KCNN1: variants seen among roughly 807,000 people sequenced by gnomAD.
KCNN1 encodes the protein small conductance calcium-activated potassium channel protein 1.
KCNN1 carries 20 observed loss-of-function variants against 44.7 expected under a neutral mutation model. The ratio of observed to expected loss-of-function variants is 0.45; its 90% confidence interval spans 0.32 to 0.65. The LOEUF is 0.65. Among genes scored for constraint, KCNN1 ranks in the 30% least tolerant of loss-of-function variants. The probability of loss-of-function intolerance (pLI) is 0.05; values close to 1 mark genes in which losing one functional copy is unlikely to be tolerated. For synonymous variants in KCNN1, 324 were observed against 341.7 expected, an observed-to-expected ratio of 0.95 and a Z score of 0.57; for missense variants, 632 against 785.3, an observed-to-expected ratio of 0.80 and a Z score of 2.33.
chr19:17,968,618 G>T (rs1418830531), intron 1 of KCNN1, among the ~76,000 whole-genome samples: 3 of 152,066 alleles, frequency 2.0e-5, no homozygotes, highest in Non-Finnish European at 2.9e-5. Context: ...CTGTTGGGTG[G>T]GGAATCTAAG....
intron 1 of KCNN1, among the ~76,000 whole-genome samples, chr19:17,969,545 C>T (rs1822728681): frequency 6.6e-6 from 1 of 152,184 alleles, no homozygotes; most frequent in Non-Finnish European, 1.5e-5. Context: ...CATTTCTCTC[C>T]TCCTCCCCAC....
chr19:17,967,997 G>A (rs1270981301), intron 1 of KCNN1, among the ~76,000 whole-genome samples: 3 of 151,290 alleles, frequency 2.0e-5, no homozygotes, highest in South Asian at 2.1e-4. Flanking sequence ...ACTGGCTCCT[G>A]GGCGGCCCAT....
At chr19:17,985,117 G>C (rs932443199) in intron 4 of KCNN1, among the ~76,000 whole-genome samples, 195 bp from the exon 5 acceptor site, 4 of 152,242 alleles carry the variant, frequency 2.6e-5, no homozygotes, top group South Asian at 2.1e-4. Flanking sequence ...AGCAGCTTGG[G>C]GGGGCAGGCA....
chr19:17,985,626 G>T (rs540798506), intron 5 of KCNN1, among the ~76,000 whole-genome samples, 173 bp downstream of exon 5: 1 of 152,094 alleles, frequency 6.6e-6, no homozygotes, highest in Non-Finnish European at 1.5e-5. Flanking sequence ...TTCCTCTGAC[G>T]TCACGTGGAA....
chr19:17,973,533 G>A (rs909891268), intron 1 of KCNN1, among the ~76,000 whole-genome samples: 1 of 152,112 alleles, frequency 6.6e-6, no homozygotes, highest in Non-Finnish European at 1.5e-5. Flanking sequence ...CTTCTGCCTT[G>A]GCCTCCTAAG....
chr19:17,987,099 C>T lies in KCNN1; in HGVS notation c.1060-1316C>T, dbSNP rs147473596. ...TGGGATTACAGGCATGACGCCACCA[C>T]GCTGGCCCTTTTTTTCTTTTTTTTT... On this transcript the variant is annotated intron_variant, in intron 5 of 9. Transcript: ENST00000684775. 2.5e-3 allele frequency among the ~76,000 whole-genome samples: 382 copies of T among 151,006 alleles called. 1 individual carries two copies. The highest frequency in any genetic ancestry group is 3.8e-3 in the Non-Finnish European group (256 of 67,728).
intron 2 of KCNN1, 23 bp from the exon 3 acceptor site, chr19:17,975,069 G>T: frequency 6.3e-7 from 1 of 1,598,348 alleles, no homozygotes; most frequent in South Asian, 1.1e-5. Context: ...CGTCCATCTG[G>T]CTGTGTCCTC....
In KCNN1 at chr19:17,975,092, G is replaced by A. The variant is rs936696927; in HGVS notation, c.403G>A (p.Glu135Lys). The change falls in exon 3 of 10, where the codon GAG (glutamate) becomes AAG (lysine). Residue 135 changes from glutamate (E) to lysine (K), a missense_variant and splice_region_variant. This residue lies in a region of KCNN1 where 235 missense variants were observed against 224.0 expected (regional missense o/e 1.05). Transcript: ENST00000684775. ...TELSWGVYTK[E>K]SLYSFALKCL... ...TGGCTGTGTCCTCTCTCTTTACCAG[G>A]AGTCTCTGTACTCATTCGCACTCAA... The A allele has an allele frequency of 5.6e-6, 9 of 1,612,684 alleles. No individual in the cohort carries two copies. Among genetic ancestry groups the A allele is most frequent in the African/African-American group, 2.7e-5 (2 of 74,840 alleles).
rs751001160 is a variant in KCNN1 at position 17,974,137 on chromosome 19, G to A, written c.249G>A (p.Ser83=). Residue 83 remains serine, a synonymous_variant, in exon 2 of 10, where the codon TCG becomes TCA. Transcript: ENST00000684775. This position sits in a 1 kb window ranked among gnomAD's most constrained non-coding sequence, Gnocchi z 7.3. ...ATGAGGCCGGCAGGCAGAGAGCCTC[G>A]GGGAAACCCTCAAATGTGGGCCACC... ...EEDEAGRQRA[S]GKPSNVGHRL... is the part of the protein sequence containing the mutation. The A allele has an allele frequency of 2.3e-5, 37 of 1,613,098 alleles. No individual in the cohort carries two copies. Among genetic ancestry groups the A allele is most frequent in the Non-Finnish European group, 2.6e-5 (31 of 1,179,870 alleles).
intron 9 of KCNN1, among the ~76,000 whole-genome samples, chr19:17,994,162 C>T (rs977577144): frequency 2.6e-4 from 40 of 152,056 alleles, no homozygotes; most frequent in African/African-American, 9.4e-4. Flanking sequence ...AAATTGGGGC[C>T]AGCTGGGTTC....
At chr19:17,956,020 TCCA>T (rs1201248712) in intron 2 of KCNN1, among the ~76,000 whole-genome samples, 1 of 151,914 alleles carries the variant, frequency 6.6e-6, no homozygotes, top group African/African-American at 2.4e-5. Context: ...ACCTCCACCC[TCCA>T]CCCCACCGGG....
chr19:17,995,737 C>T (rs541715095), intron 9 of KCNN1, among the ~76,000 whole-genome samples: 67 of 151,750 alleles, frequency 4.4e-4, no homozygotes, highest in African/African-American at 1.5e-3. Flanking sequence ...AGGTGTATGC[C>T]GCCACGCCTA....
At chr19:17,962,105 A>G (rs2031696105) in intron 2 of KCNN1, among the ~76,000 whole-genome samples, 1 of 152,174 alleles carries the variant, frequency 6.6e-6, no homozygotes, top group Admixed American at 6.5e-5. Flanking sequence ...TGGTAAAGGA[A>G]GGAGGCTAGA....
At chr19:17,982,687 A>T in intron 4 of KCNN1, 1 of 805,314 alleles carries the variant, frequency 1.2e-6, no homozygotes, top group Non-Finnish European at 1.5e-6. Context: ...GGAGGGAGGC[A>T]GGGAGAACGG....
Position 17,982,207 on chromosome 19 carries a change from G to A in KCNN1, c.917+80G>A. 6 of 1,156,032 alleles carry A rather than the reference G, an allele frequency of 5.2e-6. No individual in the cohort carries two copies. In the South Asian group the frequency reaches 6.4e-5, roughly 12 times the overall value. The allele number at this position is 1,156,032 out of a possible 1,614,324, so 71.6% of individuals were successfully genotyped here. A position where few individuals can be genotyped will look rare whatever the true frequency, so the allele number is the denominator to read the frequency against. ...CTCCATGCCCATTCATGATTTCACC[G>A]ACCCTGGGCCCCTCCCGACCCTGGC... On this transcript the variant is annotated intron_variant, in intron 4 of 9. Transcript: ENST00000684775.
chr19:17,982,153 C>G, intron 4 of KCNN1, 26 bp downstream of exon 4: 2 of 1,460,074 alleles, frequency 1.4e-6, no homozygotes, highest in South Asian at 1.4e-5. Context: ...CTGGAGCCCC[C>G]CCAGCCCCCA....
intron 3 of KCNN1, among the ~76,000 whole-genome samples, chr19:17,977,179 G>T (rs1275373837): frequency 1.3e-5 from 2 of 152,142 alleles, no homozygotes; most frequent in African/African-American, 4.8e-5. Context: ...TTTGGTTGCT[G>T]CTGGCAATTT....
chr19:17,952,542 G>A (rs2031438952), intron 1 of KCNN1, among the ~76,000 whole-genome samples: 4 of 152,142 alleles, frequency 2.6e-5, no homozygotes, highest in Admixed American at 6.5e-5. Flanking sequence ...TGCCCTGTGA[G>A]GAGGGGGTTC....
Position 17,974,891 on chromosome 19 carries a change from C to T in KCNN1, c.403-201C>T, listed in dbSNP as rs184897471. Among the ~76,000 whole-genome samples the T allele has an allele frequency of 1.3e-5, 2 of 152,336 alleles. No individual in the cohort carries two copies. The highest frequency in any genetic ancestry group is 2.1e-4 in the South Asian group (1 of 4,832). ...CTTCCTGAATACAGCACATGCTGCACGCCCAGCCCTGATAAGCTGTTTCAC... is the reference window on the plus strand; with the variant it reads ...CTTCCTGAATACAGCACATGCTGCATGCCCAGCCCTGATAAGCTGTTTCAC... On this transcript the variant is annotated intron_variant, in intron 2 of 9. Coordinates refer to ENST00000684775, the MANE Select transcript of KCNN1 (RefSeq NM_001386974.1). This position sits in a 1 kb window ranked among gnomAD's most constrained non-coding sequence, Gnocchi z 7.3.
Sources: gnomAD v4.1 joint callset for allele counts (sites outside exome capture counted in the v4.1 genomes callset) on GRCh38, gnomAD v4.1.1 for gene constraint, gnomAD v4.1.1 regional missense constraint, Gnocchi (gnomAD v3.1) non-coding constraint, MANE v1.5 for transcripts, NCBI Gene and HGNC (gene_info 2026-07-23, HGNC 2026-07-21) for gene names.